Variants in ANKRD12 observed in about 807,000 individuals in gnomAD.
ANKRD12 encodes ankyrin repeat domain-containing protein 12.
ANKRD12 carries 85 observed loss-of-function variants against 183.4 expected under a neutral mutation model. That is an observed-to-expected ratio of 0.46 (90% confidence interval 0.39 to 0.56). The LOEUF is 0.56. Ranked by LOEUF, ANKRD12 falls within the 20% of genes least tolerant of loss-of-function variation. ANKRD12 has a pLI of 0.00. For missense variants in ANKRD12, 2,405 were observed against 2,357.1 expected (o/e 1.02, Z -0.42); for synonymous variants, 914 against 800.2 (o/e 1.14, Z -2.40).
intron 5 of ANKRD12, 89 bp from the exon 6 acceptor site, chr18:9,211,495 G>A (rs2035801708): frequency 8.3e-7 from 1 of 1,202,438 alleles, no homozygotes; most frequent in South Asian, 1.4e-5. Context: ...TTGTGTTTCA[G>A]GAGATTAGCA....
intron 12 of ANKRD12, among the ~76,000 whole-genome samples, chr18:9,280,026 C>G (rs2040035316): frequency 6.6e-6 from 1 of 152,134 alleles, no homozygotes; most frequent in East Asian, 1.9e-4. Context: ...CCTAGATTTT[C>G]ATGTTTCTTT....
Position 9,257,579 on chromosome 18 carries a change from A to G in ANKRD12, c.4312A>G (p.Asn1438Asp), listed in dbSNP as rs141465808. 410 of 1,614,062 alleles carry G rather than the reference A, an allele frequency of 2.5e-4. 2 individuals are homozygous for G. The African/African-American group carries it at 4.7e-3, about 18-fold the overall frequency. Residue 1438 changes from asparagine (N) to aspartate (D), a missense_variant, in exon 9 of 13, where the codon AAT (asparagine) becomes GAT (aspartate). Coordinates refer to ENST00000262126, the MANE Select transcript of ANKRD12 (RefSeq NM_015208.5). Reference protein sequence around the residue: ...TLSTRDFICPNSNIPDQESSL... With the variant: ...TLSTRDFICPDSNIPDQESSL... ...AAGCACCAGAGACTTTATCTGCCCA[A>G]ATTCTAACATACCTGATCAAGAATC...
At chr18:9,214,336 A>G (rs145091046) in intron 6 of ANKRD12, among the ~76,000 whole-genome samples, 86 of 152,076 alleles carry the variant, frequency 5.7e-4, no homozygotes, top group African/African-American at 1.9e-3. Context: ...AAACATAAAG[A>G]TGCAGTATTA....
At chr18:9,150,176 T>A (rs1441982956) in intron 1 of ANKRD12, among the ~76,000 whole-genome samples, 1 of 152,196 alleles carries the variant, frequency 6.6e-6, no homozygotes, top group Non-Finnish European at 1.5e-5. Context: ...GCAGCACCAA[T>A]AAAAAATGAA....
chr18:9,191,974 C>T (rs987557723), intron 2 of ANKRD12, among the ~76,000 whole-genome samples: 2 of 152,170 alleles, frequency 1.3e-5, no homozygotes, highest in African/African-American at 4.8e-5. Context: ...GTAGAAACTA[C>T]AGTAAAGGCT....
chr18:9,171,480 G>C (rs1309834959), intron 1 of ANKRD12, among the ~76,000 whole-genome samples: 2 of 152,088 alleles, frequency 1.3e-5, no homozygotes, highest in Non-Finnish European at 2.9e-5. Context: ...GATGCTAGCT[G>C]GTTATTTGTT....
At chr18:9,162,520 T>C (rs2031562688) in intron 1 of ANKRD12, among the ~76,000 whole-genome samples, 1 of 152,224 alleles carries the variant, frequency 6.6e-6, no homozygotes, top group African/African-American at 2.4e-5. Flanking sequence ...TACACATGCA[T>C]GTATCTTTGT....
Position 9,254,388 on chromosome 18 carries a change from T to C in ANKRD12, c.1121T>C (p.Met374Thr). ...KDDDDEEINK[M>T]IDDRHILRKE... is the part of the protein sequence containing the mutation. ...GATGATGATGAAGAAATTAATAAGA[T>C]GATTGATGATAGGCATATTCTTAGG... is the stretch of plus-strand genomic sequence containing the variant. Residue 374 changes from methionine (M) to threonine (T), a missense_variant, in exon 9 of 13, where the codon ATG becomes ACG. By Grantham distance (81) the Met-to-Thr change is moderately conservative (BLOSUM62 -1). Around this residue, in one of 7 missense-constraint regions of ANKRD12, gnomAD observed 1,983 missense variants for 1,725.9 expected, o/e 1.15. Transcript: ENST00000262126. 6.2e-7 allele frequency: 1 copy of C among 1,607,814 alleles called. No homozygotes were observed.
intron 7 of ANKRD12, among the ~76,000 whole-genome samples, chr18:9,220,053 G>A (rs1375209869): frequency 6.6e-6 from 1 of 152,126 alleles, no homozygotes; most frequent in Non-Finnish European, 1.5e-5. Flanking sequence ...TCATGAGTAA[G>A]TTGTTTTCTT....
In ANKRD12 at chr18:9,216,748, C is replaced by G. The variant is rs2036131524; in HGVS notation, c.653-10C>G. On this transcript the variant is annotated splice_polypyrimidine_tract_variant and intron_variant, in intron 6 of 12. Transcript: ENST00000262126. Reference sequence around the variant, plus strand: ...AAGTGAATCATGTTAAATTAATAATCTAACTTTAGGTTGGACACCACTGCA... The same window carrying G: ...AAGTGAATCATGTTAAATTAATAATGTAACTTTAGGTTGGACACCACTGCA... 1 of 1,608,652 alleles carries G rather than the reference C, an allele frequency of 6.2e-7. No homozygotes were observed. The highest frequency in any genetic ancestry group is 1.1e-5 in the South Asian group (1 of 90,194).
At chr18:9,264,957 A>G (rs2039195635) in intron 10 of ANKRD12, among the ~76,000 whole-genome samples, 1 of 152,212 alleles carries the variant, frequency 6.6e-6, no homozygotes, top group Admixed American at 6.5e-5. Context: ...CCACTGAGCA[A>G]ACGGCATACC....
At position 9,258,422 on chromosome 18, in the gene ANKRD12, G is replaced by A; in HGVS notation, c.5155G>A (p.Glu1719Lys). ...TGGTCAGTTAGTTAAAGTAGAATTAGAAGAAAATGCCGAAGATGATAAAAC... is the reference window on the plus strand; with the variant it reads ...TGGTCAGTTAGTTAAAGTAGAATTAAAAGAAAATGCCGAAGATGATAAAAC... Reference protein sequence around the residue: ...KYGQLVKVELEENAEDDKTEN... With the variant: ...KYGQLVKVELKENAEDDKTEN... The change falls in exon 9 of 13, where the codon GAA becomes AAA. Residue 1719 changes from glutamate to lysine, a missense_variant. Glu to Lys is a moderately conservative substitution (Grantham distance 56). This residue lies in a region of ANKRD12 where 1,983 missense variants were observed against 1,725.9 expected (regional missense o/e 1.15). Coordinates refer to ENST00000262126, the MANE Select transcript of ANKRD12 (RefSeq NM_015208.5). 3 of 1,613,738 alleles carry A rather than the reference G, an allele frequency of 1.9e-6. No individual in the cohort carries two copies. The highest frequency in any genetic ancestry group is 2.5e-6 in the Non-Finnish European group (3 of 1,179,926).
chr18:9,248,369 A>G (rs539447967), intron 8 of ANKRD12, among the ~76,000 whole-genome samples: 3 of 152,354 alleles, frequency 2.0e-5, no homozygotes, highest in Non-Finnish European at 2.9e-5. Context: ...AATTTTGCCC[A>G]TAATTTTAAA....
Position 9,257,549 on chromosome 18 carries a change from A to T in ANKRD12, c.4282A>T (p.Thr1428Ser). The change falls in exon 9 of 13, where the codon ACA becomes TCA. Residue 1428 changes from threonine (T) to serine (S), a missense_variant. Transcript: ENST00000262126. ...SWEMPVDRLE[T>S]LSTRDFICPN... The stretch of plus-strand genomic sequence containing the variant: ...GGAGATGCCTGTTGATAGACTAGAG[A>T]CATTAAGCACCAGAGACTTTATCTG... 6.2e-7 allele frequency: 1 copy of T among 1,614,140 alleles called. No individual in the cohort carries two copies. Among genetic ancestry groups the T allele is most frequent in the Non-Finnish European group, 8.5e-7 (1 of 1,179,992 alleles).
intron 1 of ANKRD12, among the ~76,000 whole-genome samples, chr18:9,141,767 T>C (rs781382750): frequency 2.6e-5 from 4 of 152,238 alleles, no homozygotes; most frequent in Non-Finnish European, 5.9e-5. Context: ...CAGTGTGTAC[T>C]CAGGCCATAA....
At position 9,261,701 on chromosome 18, in the gene ANKRD12, A is replaced by G. The variant is rs188027737; in HGVS notation, c.5665-2089A>G. 2.0e-5 allele frequency among the ~76,000 whole-genome samples: 3 copies of G among 152,296 alleles called. No individual in the cohort carries two copies. The East Asian group carries it at 5.8e-4, about 29-fold the overall frequency. The stretch of plus-strand genomic sequence containing the variant: ...CACCAACCTAGAGTTGTCTGCAGAT[A>G]CCATTCTGTTTGTTTTTGCATGCCA... On this transcript the variant is annotated intron_variant, in intron 9 of 12. Transcript: ENST00000262126.
chr18:9,256,749 G>C lies in ANKRD12; in HGVS notation c.3482G>C (p.Ser1161Thr). 1 of 1,613,592 alleles carries C rather than the reference G, an allele frequency of 6.2e-7. No homozygotes were observed. The highest frequency in any genetic ancestry group is 8.5e-7 in the Non-Finnish European group (1 of 1,179,850). ...GAGAAACAACCTAAAGATGCTGTAA[G>C]TAACAGATCACAATCTGTTGACACC... ...TKEKQPKDAV[S>T]NRSQSVDTKN... The change falls in exon 9 of 13, where the codon AGT becomes ACT. Residue 1161 changes from serine (S) to threonine (T), a missense_variant. By Grantham distance (58) the Ser-to-Thr change is moderately conservative. Around this residue, in one of 7 missense-constraint regions of ANKRD12, gnomAD observed 1,983 missense variants for 1,725.9 expected, o/e 1.15. Coordinates refer to ENST00000262126, the MANE Select transcript of ANKRD12 (RefSeq NM_015208.5).
chr18:9,151,831 T>TA (rs1309572108), intron 1 of ANKRD12, among the ~76,000 whole-genome samples: 1 of 152,246 alleles, frequency 6.6e-6, no homozygotes, highest in African/African-American at 2.4e-5. Flanking sequence ...GAATATTTTA[T>TA]ATGCACTGGG....
Position 9,254,963 on chromosome 18 carries a change from T to C in ANKRD12, c.1696T>C (p.Cys566Arg). 6.2e-7 allele frequency: 1 copy of C among 1,607,688 alleles called. No individual in the cohort carries two copies. The highest frequency in any genetic ancestry group is 8.5e-7 in the Non-Finnish European group (1 of 1,177,688). ...TPLKQEHTKT[C>R]LSPGSSEMSL... ...ACTAAAACAAGAACATACTAAAACA[T>C]GTTTATCACCAGGAAGTTCTGAAAT... The change falls in exon 9 of 13, where the codon TGT becomes CGT. Residue 566 changes from cysteine (C) to arginine (R), a missense_variant. Coordinates refer to ENST00000262126, the MANE Select transcript of ANKRD12 (RefSeq NM_015208.5).
Sources: gnomAD v4.1 joint callset for allele counts (sites outside exome capture counted in the v4.1 genomes callset) on GRCh38, gnomAD v4.1.1 for gene constraint, gnomAD v4.1.1 regional missense constraint, MANE v1.5 for transcripts, NCBI Gene and HGNC (gene_info 2026-07-23, HGNC 2026-07-21) for gene names.